The following ANOS1 variants were observed in gnomAD, a reference collection of about 807,000 sequenced individuals.
The protein encoded by ANOS1 is anosmin 1, also known as anosmin-1.
In ANOS1, 6 loss-of-function variants were observed where a neutral mutation model predicts 59.0. The ratio of observed to expected loss-of-function variants is 0.10; its 90% confidence interval spans 0.06 to 0.20. The LOEUF (loss-of-function observed/expected upper bound fraction) is 0.20. ANOS1 is among the 10% of genes least tolerant of loss of function. The pLI is 1.00. For synonymous variants in ANOS1, 217 were observed against 223.4 expected (o/e 0.97, Z 0.25); for missense variants, 433 against 542.3 (o/e 0.80, Z 2.00).
chrX:8,640,520 T>G (rs1213243687), intron 2 of ANOS1, among the ~76,000 whole-genome samples: 1 of 107,475 alleles, frequency 9.3e-6, no homozygotes, highest in African/African-American at 3.4e-5. Context: ...GCCTCACTTG[T>G]TGCTCTAAAG....
At chrX:8,566,353 G>A in intron 8 of ANOS1, 2 of 492,218 alleles carry the variant, frequency 4.1e-6, no homozygotes, top group Non-Finnish European at 5.0e-6. Context: ...GTGTGTGTGT[G>A]TGTGTATGAG....
At chrX:8,641,507 T>C (rs755011001) in intron 2 of ANOS1, among the ~76,000 whole-genome samples, 46 of 112,104 alleles carry the variant, frequency 4.1e-4, no homozygotes, top group African/African-American at 1.3e-3. Flanking sequence ...TCTTTAGCAA[T>C]TGTCACCATT....
In ANOS1 at chrX:8,570,499, C is replaced by G. The variant is rs1423034647; in HGVS notation, c.1062G>C (p.Gly354=). The G allele has an allele frequency of 8.3e-7, 1 of 1,204,508 alleles. No homozygotes were observed. The highest frequency in any genetic ancestry group is 1.1e-6 in the Non-Finnish European group (1 of 889,054). Reference sequence around the variant, plus strand: ...AATCCTTCCTCCAGTTCCCACTCACCCCATCCGTAGTCTTTCTCCGCTTCT... The same window carrying G: ...AATCCTTCCTCCAGTTCCCACTCACGCCATCCGTAGTCTTTCTCCGCTTCT... ...TKKKRRKTTD[G]FQNSVILEKL... Residue 354 remains glycine, a splice_region_variant and synonymous_variant, in exon 7 of 14, where the codon GGG becomes GGC. Coordinates refer to ENST00000262648, the MANE Select transcript of ANOS1 (RefSeq NM_000216.4).
intron 2 of ANOS1, among the ~76,000 whole-genome samples, chrX:8,658,537 G>A (rs1222854240): frequency 8.9e-6 from 1 of 112,106 alleles, no homozygotes; most frequent in Non-Finnish European, 1.9e-5. Context: ...TCTATCTGTT[G>A]GATGGATGAA....
chrX:8,581,626 A>G (rs1440003001), intron 6 of ANOS1, among the ~76,000 whole-genome samples: 1 of 111,849 alleles, frequency 8.9e-6, no homozygotes, highest in Non-Finnish European at 1.9e-5. Context: ...AAAACGGTGG[A>G]AGACACTCCC....
intron 1 of ANOS1, among the ~76,000 whole-genome samples, chrX:8,726,096 T>TC (rs774190953): frequency 9.0e-6 from 1 of 110,518 alleles, no homozygotes; most frequent in Non-Finnish European, 1.9e-5. Context: ...AAGGGACACA[T>TC]CGTAGGCTGG....
At position 8,623,596 on chromosome X, in the gene ANOS1, A is replaced by C; in HGVS notation, c.318+12T>G. Reference sequence around the variant, plus strand: ...GGGTCAAGTGTTTTAAGTACCACTGACGTTCTCCTACCTCACAAAAGCTTT... The same window carrying C: ...GGGTCAAGTGTTTTAAGTACCACTGCCGTTCTCCTACCTCACAAAAGCTTT... On this transcript the variant is annotated intron_variant, in intron 3 of 13. Coordinates refer to ENST00000262648, the MANE Select transcript of ANOS1 (RefSeq NM_000216.4). The C allele has an allele frequency of 8.4e-7, 1 of 1,186,419 alleles. No individual in the cohort carries two copies. The highest frequency in any genetic ancestry group is 1.1e-6 in the Non-Finnish European group (1 of 872,710).
At chrX:8,666,820 C>T (rs1932146816) in intron 2 of ANOS1, among the ~76,000 whole-genome samples, 1 of 111,675 alleles carries the variant, frequency 9.0e-6, no homozygotes, top group African/African-American at 3.3e-5. Flanking sequence ...CGTCTCCAGG[C>T]TTCTTCATAA....
At chrX:8,708,634 G>A (rs1014033733) in intron 1 of ANOS1, among the ~76,000 whole-genome samples, 1 of 111,958 alleles carries the variant, frequency 8.9e-6, no homozygotes, top group African/African-American at 3.2e-5. Flanking sequence ...AGAGGATGTG[G>A]AGAAATAGGA....
intron 9 of ANOS1, among the ~76,000 whole-genome samples, chrX:8,550,102 C>G (rs184930046): frequency 6.3e-5 from 7 of 111,450 alleles, no homozygotes; most frequent in Non-Finnish European, 1.1e-4. Context: ...AAAATGCAAA[C>G]AAATCATCAG....
intron 2 of ANOS1, among the ~76,000 whole-genome samples, chrX:8,674,839 C>T (rs149599075): frequency 9.0e-6 from 1 of 111,604 alleles, no homozygotes; most frequent in Non-Finnish European, 1.9e-5. Context: ...CCTGACTCAC[C>T]CCTAAAATGT....
intron 2 of ANOS1, among the ~76,000 whole-genome samples, chrX:8,639,881 A>C (rs990311177): frequency 1.8e-5 from 2 of 111,057 alleles, no homozygotes; most frequent in African/African-American, 6.5e-5. Context: ...AATGAGCAAA[A>C]TCAGTGACCC....
At chrX:8,627,658 T>C (rs1054780185) in intron 2 of ANOS1, among the ~76,000 whole-genome samples, 3 of 110,950 alleles carry the variant, frequency 2.7e-5, no homozygotes, top group Admixed American at 1.9e-4. Context: ...ACAACCTATA[T>C]ACAATCATCT....
intron 8 of ANOS1, among the ~76,000 whole-genome samples, chrX:8,563,534 AT>A (rs775096501): frequency 8.9e-6 from 1 of 112,767 alleles, no homozygotes; most frequent in African/African-American, 3.2e-5. Context: ...CAGTTAAAAT[AT>A]GCAAATGGCT....
Position 8,553,932 on chromosome X carries a change from A to C in ANOS1, c.1354+20T>G, listed in dbSNP as rs1361872674. On this transcript the variant is annotated intron_variant, in intron 9 of 13. Coordinates refer to ENST00000262648, the MANE Select transcript of ANOS1 (RefSeq NM_000216.4). ...TGCTGTTTAAAGCAAGTAAGAAATAAGTAAGTAATGTTTATGTACCTTCTG... is the reference window on the plus strand; with the variant it reads ...TGCTGTTTAAAGCAAGTAAGAAATACGTAAGTAATGTTTATGTACCTTCTG... The C allele has an allele frequency of 1.7e-6, 2 of 1,178,627 alleles. No homozygotes were observed. The highest frequency in any genetic ancestry group is 3.0e-5 in the East Asian group (1 of 33,765).
intron 13 of ANOS1, among the ~76,000 whole-genome samples, chrX:8,533,678 G>A (rs1179131107): frequency 8.9e-6 from 1 of 111,886 alleles, no homozygotes; most frequent in African/African-American, 3.2e-5. Context: ...AAATCTAGGT[G>A]ACAATTTTCT....
At chrX:8,672,094 TA>T (rs902455481) in intron 2 of ANOS1, among the ~76,000 whole-genome samples, 4 of 110,856 alleles carry the variant, frequency 3.6e-5, no homozygotes, top group Non-Finnish European at 7.5e-5. Context: ...TAAATTTCAT[TA>T]AAAAATCTCT....
intron 6 of ANOS1, 81 bp from the exon 7 acceptor site, chrX:8,570,785 C>T (rs1569051926): frequency 1.2e-5 from 11 of 915,424 alleles, no homozygotes; most frequent in East Asian, 6.4e-5. Flanking sequence ...ATGGTCAACA[C>T]GTGAAGCATT....
At chrX:8,536,517 C>T (rs1386621770) in intron 11 of ANOS1, among the ~76,000 whole-genome samples, 1 of 110,955 alleles carries the variant, frequency 9.0e-6, no homozygotes, top group East Asian at 2.8e-4. Context: ...AAAACACAAG[C>T]GGTATCTAAA....
Sources: allele counts gnomAD v4.1 joint callset (sites outside exome capture counted in the v4.1 genomes callset), GRCh38; gene constraint gnomAD v4.1.1; transcripts MANE v1.5; gene names NCBI Gene and HGNC (gene_info 2026-07-23, HGNC 2026-07-21).